Variants in LEMD1 observed in about 807,000 individuals in gnomAD.
LEMD1 encodes LEM domain-containing protein 1.
Under a neutral mutation model 17.4 loss-of-function variants are expected in LEMD1, and 18 were observed. The ratio of observed to expected loss-of-function variants is 1.04; its 90% CI spans 0.72 to 1.54. The LOEUF (loss-of-function observed/expected upper bound fraction) is 1.54. Ranked by LOEUF, LEMD1 falls within the 40% of genes most tolerant of loss-of-function variation. The pLI is 0.00. For missense variants in LEMD1, 195 were observed against 210.4 expected (o/e 0.93, Z 0.45); for synonymous variants, 88 against 77.8 (o/e 1.13, Z -0.69).
rs185376890 is a variant in LEMD1 at position 205,411,339 on chromosome 1, G to A, written c.270+4893C>T. 3.7e-3 allele frequency among the ~76,000 whole-genome samples: 563 copies of A among 151,916 alleles called. 3 individuals carry two copies. The highest frequency in any genetic ancestry group is 4.6e-3 in the Non-Finnish European group (315 of 67,926). ...TCCCAGCACTTTGGGAGGCCGAGGCGGGCGGATCACGAGGTCAGGAGATCA... is the reference window on the plus strand; with the variant it reads ...TCCCAGCACTTTGGGAGGCCGAGGCAGGCGGATCACGAGGTCAGGAGATCA... On this transcript the variant is annotated intron_variant, in intron 4 of 5. Coordinates refer to ENST00000367153, the MANE Select transcript of LEMD1 (RefSeq NM_001199050.2).
At chr1:205,427,803 T>G (rs1407452942) in intron 1 of LEMD1, among the ~76,000 whole-genome samples, 6 of 152,192 alleles carry the variant, frequency 3.9e-5, no homozygotes, top group Admixed American at 3.9e-4. Flanking sequence ...AGATGGAAAC[T>G]CTCATGGCTG....
chr1:205,412,593 G>A (rs1228769684), intron 4 of LEMD1, among the ~76,000 whole-genome samples: 1 of 152,176 alleles, frequency 6.6e-6, no homozygotes, highest in Non-Finnish European at 1.5e-5. Context: ...AGTAATTAAA[G>A]TCTACAGTGT....
At chr1:205,447,696 C>A (rs1190354571) in intron 1 of LEMD1, among the ~76,000 whole-genome samples, 1 of 152,018 alleles carries the variant, frequency 6.6e-6, no homozygotes, top group Non-Finnish European at 1.5e-5. Context: ...GAGGGGGCAG[C>A]TCCTGGAGAT....
At chr1:205,446,197 A>T (rs1333408666) in intron 1 of LEMD1, among the ~76,000 whole-genome samples, 1 of 152,230 alleles carries the variant, frequency 6.6e-6, no homozygotes, top group Non-Finnish European at 1.5e-5. Flanking sequence ...ATACAATCAC[A>T]TATCTTCTCC....
intron 4 of LEMD1, among the ~76,000 whole-genome samples, chr1:205,398,777 G>A (rs779354266): frequency 6.6e-6 from 1 of 152,170 alleles, no homozygotes; most frequent in African/African-American, 2.4e-5. Context: ...CAAGGAAGAG[G>A]GACAGTGAGG....
intron 1 of LEMD1, among the ~76,000 whole-genome samples, chr1:205,432,587 T>C (rs1308249999): frequency 5.9e-5 from 9 of 152,208 alleles, no homozygotes; most frequent in African/African-American, 2.2e-4. Flanking sequence ...ACAATAAGGC[T>C]TACCTGTGAC....
intron 3 of LEMD1, 87 bp from the exon 4 acceptor site, chr1:205,416,383 T>C: frequency 1.1e-6 from 1 of 911,092 alleles, no homozygotes; most frequent in South Asian, 1.6e-5. Flanking sequence ...GGGTGAATTC[T>C]CTCAATTAGA....
chr1:205,405,129 C>T (rs1665032009), intron 4 of LEMD1, among the ~76,000 whole-genome samples: 1 of 152,118 alleles, frequency 6.6e-6, no homozygotes, highest in South Asian at 2.1e-4. Context: ...TCTGGCTGCC[C>T]TTAACATTTT....
At chr1:205,387,540 C>T (rs1490929146) in intron 4 of LEMD1, 1 of 152,088 alleles carries the variant, frequency 6.6e-6, no homozygotes, top group Non-Finnish European at 1.5e-5. Flanking sequence ...TACAGTGGAG[C>T]TAAAAAATAT....
At chr1:205,433,789 G>A (rs535242967) in intron 1 of LEMD1, among the ~76,000 whole-genome samples, 71 of 152,344 alleles carry the variant, frequency 4.7e-4, no homozygotes, top group African/African-American at 1.5e-3. Flanking sequence ...GCCTGCAGAA[G>A]AGGCAGCCAG....
At chr1:205,442,948 G>A (rs941967037) in intron 1 of LEMD1, among the ~76,000 whole-genome samples, 16 of 152,100 alleles carry the variant, frequency 1.1e-4, no homozygotes, top group African/African-American at 3.9e-4. Flanking sequence ...ATCTCTCTGG[G>A]CCTTCATTAC....
chr1:205,423,798 C>A (rs189692796), upstream of LEMD1, among the ~76,000 whole-genome samples: 129 of 152,230 alleles, frequency 8.5e-4, no homozygotes, highest in African/African-American at 3.0e-3. Context: ...ATTTTTCATT[C>A]TCCCCATGGC....
In LEMD1 at chr1:205,448,080, T is replaced by A. The variant is rs191835992; in HGVS notation, c.-39+1788A>T. On this transcript the variant is annotated intron_variant, in intron 1 of 3. Coordinates refer to the LEMD1 transcript ENST00000367154. This position sits in a 1 kb window ranked among gnomAD's most constrained non-coding sequence, Gnocchi z 4.7. Reference sequence around the variant, plus strand: ...ACACCCTGAAGGTCTCCTTCCTTCCTCAGAGGGAATCTCCCTCTGGAATCA... The same window carrying A: ...ACACCCTGAAGGTCTCCTTCCTTCCACAGAGGGAATCTCCCTCTGGAATCA... Among the ~76,000 whole-genome samples the A allele has an allele frequency of 5.4e-3, 827 of 152,262 alleles. 4 individuals are homozygous for A. Among genetic ancestry groups the A allele is most frequent in the African/African-American group, 0.019 (786 of 41,578 alleles).
rs114661488 is a variant in LEMD1 at position 205,418,527 on chromosome 1, T to C, written c.205+703A>G. ...CAGGGAGGTATAATCTGGTTCATCT[T>C]TTTTTTTAGACGGAGTCTCGCTCTG... is the stretch of plus-strand genomic sequence containing the variant. On this transcript the variant is annotated intron_variant, in intron 3 of 5. Transcript: ENST00000367153. Among the ~76,000 whole-genome samples the C allele has an allele frequency of 4.7e-3, 722 of 152,002 alleles. 5 individuals are homozygous for C. The highest frequency in any genetic ancestry group is 0.016 in the African/African-American group (683 of 41,488).
chr1:205,438,775 C>T (rs1176167035), intron 1 of LEMD1, among the ~76,000 whole-genome samples: 5 of 152,044 alleles, frequency 3.3e-5, no homozygotes, highest in African/African-American at 1.2e-4. Context: ...GTTCCCAAAG[C>T]CAGGGCTCAA....
intron 1 of LEMD1, among the ~76,000 whole-genome samples, chr1:205,445,286 C>A (rs1313437501): frequency 6.6e-6 from 1 of 152,192 alleles, no homozygotes; most frequent in Non-Finnish European, 1.5e-5. Flanking sequence ...GTCTACAAGA[C>A]CGTGTTGATA....
At chr1:205,389,037 C>CTTTTTTTTTTTTTTT (rs61341380) in intron 4 of LEMD1, among the ~76,000 whole-genome samples, 3 of 77,852 alleles carry the variant, frequency 3.9e-5, no homozygotes, top group African/African-American at 9.5e-5. Flanking sequence ...CATTTGCTTT[C>CTTTTTTTTTTTTTTT]TTTTTTTTTT....
chr1:205,438,733 T>G (rs1666247479), intron 1 of LEMD1, among the ~76,000 whole-genome samples: 1 of 151,752 alleles, frequency 6.6e-6, no homozygotes, highest in African/African-American at 2.4e-5. Flanking sequence ...GGACCTCCAC[T>G]CAGAACACTT....
chr1:205,418,781 G>T (rs1345947674), intron 3 of LEMD1, among the ~76,000 whole-genome samples: 2 of 152,300 alleles, frequency 1.3e-5, no homozygotes, highest in Non-Finnish European at 1.5e-5. Flanking sequence ...CTCCCAAAGT[G>T]CTGGAATTAC....
Sources: gnomAD v4.1 joint callset for allele counts (sites outside exome capture counted in the v4.1 genomes callset) on GRCh38, gnomAD v4.1.1 for gene constraint, Gnocchi (gnomAD v3.1) non-coding constraint, MANE v1.5 for transcripts, NCBI Gene and HGNC (gene_info 2026-07-23, HGNC 2026-07-21) for gene names.